Variants in IL12RB1 observed in about 807,000 individuals in gnomAD.
The protein encoded by IL12RB1 is interleukin-12 receptor subunit beta-1.
Under a neutral mutation model 94.4 loss-of-function variants are expected in IL12RB1, and 64 were observed. The ratio of observed to expected loss-of-function variants is 0.68; its 90% confidence interval spans 0.55 to 0.83. IL12RB1 has a LOEUF of 0.83. Among genes scored for constraint, IL12RB1 ranks in the 40% least tolerant of loss-of-function variants. IL12RB1 has a pLI of 0.00. For synonymous variants in IL12RB1, 362 were observed against 355.5 expected, an observed-to-expected ratio of 1.02 and a Z score of -0.21; for missense variants, 814 against 855.6, an observed-to-expected ratio of 0.95 and a Z score of 0.61.
intron 1 of IL12RB1, among the ~76,000 whole-genome samples, chr19:18,097,327 G>A (rs569634777): frequency 1.3e-5 from 2 of 152,060 alleles, no homozygotes; most frequent in South Asian, 4.2e-4. Flanking sequence ...ACAGGCGCGC[G>A]TCACCACCCC....
chr19:18,086,693 G>C, intron 1 of IL12RB1, 67 bp downstream of exon 1: 3 of 1,500,674 alleles, frequency 2.0e-6, no homozygotes, highest in Non-Finnish European at 2.7e-6. Context: ...CAGGCCCACA[G>C]CTCTCCACAC....
Position 18,073,537 on chromosome 19 carries a change from G to A in IL12RB1, c.763C>T (p.Arg255Trp), listed in dbSNP as rs1259138980. The change falls in exon 8 of 17, where the codon CGG (arginine) becomes TGG (tryptophan). Residue 255 changes from arginine to tryptophan, a missense_variant. By Grantham distance (101) the Arg-to-Trp change is moderately radical (BLOSUM62 -3). Transcript: ENST00000593993. ...VEQLGQDGRR[R>W]LTLKEQPTQL... ...GTTACCTGCTCTTTCAGGGTCAGCCGCCTCCTCCCATCCTGGCCCAGCTGC... is the reference window on the plus strand; with the variant it reads ...GTTACCTGCTCTTTCAGGGTCAGCCACCTCCTCCCATCCTGGCCCAGCTGC... The A allele has an allele frequency of 5.0e-6, 8 of 1,609,822 alleles. No individual in the cohort carries two copies. The highest frequency in any genetic ancestry group is 5.1e-6 in the Non-Finnish European group (6 of 1,176,406).
chr19:18,067,713 G>A (rs914784564), intron 11 of IL12RB1, among the ~76,000 whole-genome samples: 2 of 152,200 alleles, frequency 1.3e-5, no homozygotes, highest in African/African-American at 4.8e-5. Context: ...TGAGGAAGGA[G>A]AATGGCTTGA....
At chr19:18,067,909 T>C (rs2034708631) in intron 11 of IL12RB1, among the ~76,000 whole-genome samples, 1 of 151,964 alleles carries the variant, frequency 6.6e-6, no homozygotes, top group Non-Finnish European at 1.5e-5. Context: ...TTGCCCAGGC[T>C]GTTCTTGAAC....
At chr19:18,085,184 C>A (rs2036241702) in intron 1 of IL12RB1, among the ~76,000 whole-genome samples, 1 of 152,158 alleles carries the variant, frequency 6.6e-6, no homozygotes, top group African/African-American at 2.4e-5. Flanking sequence ...CAAGAAGGAC[C>A]TGTCCTGAGC....
At chr19:18,060,543 G>A (rs418164) in intron 15 of IL12RB1, among the ~76,000 whole-genome samples, 14,604 of 152,000 alleles carry the variant, frequency 0.096, 2,363 homozygotes, top group African/African-American at 0.33. Context: ...CTTAGGAAGA[G>A]CACTCCCATC....
chr19:18,069,500 G>A (rs1004523460), intron 10 of IL12RB1, 46 bp downstream of exon 10: 12 of 1,538,406 alleles, frequency 7.8e-6, no homozygotes, highest in Admixed American at 3.8e-5. Context: ...GACCTAAAAG[G>A]GAGGGCACAG....
chr19:18,063,339 C>G (rs2034317516), intron 13 of IL12RB1, among the ~76,000 whole-genome samples: 1 of 151,954 alleles, frequency 6.6e-6, no homozygotes, highest in South Asian at 2.1e-4. Flanking sequence ...CTCAAGCAAT[C>G]CTCCAGCCTC....
chr19:18,071,848 A>G lies in IL12RB1; in HGVS notation c.1021+264T>C, dbSNP rs375819560. ...CTCAGCTAATTTTTGTATTTTTAGT[A>G]GAGACTGGGTTTCACCACGTTGGCC... On this transcript the variant is annotated intron_variant, in intron 9 of 16. Coordinates refer to ENST00000593993, the MANE Select transcript of IL12RB1 (RefSeq NM_005535.3). 2.2e-4 allele frequency among the ~76,000 whole-genome samples: 33 copies of G among 152,262 alleles called. No individual in the cohort carries two copies. The South Asian group carries it at 6.4e-3, about 30-fold the overall frequency.
intron 1 of IL12RB1, chr19:18,097,801 G>A (rs2037094198): frequency 9.0e-6 from 11 of 1,223,928 alleles, no homozygotes; most frequent in Non-Finnish European, 1.1e-5. Context: ...CCATGGACGA[G>A]TCGAGCCTCC....
At chr19:18,080,064 CT>C (rs1225941603) in intron 4 of IL12RB1, among the ~76,000 whole-genome samples, 3 of 148,786 alleles carry the variant, frequency 2.0e-5, no homozygotes, top group South Asian at 2.1e-4. Context: ...TCTTTTTTTT[CT>C]TTTTTTTTGA....
chr19:18,062,958 T>C (rs2034255704), intron 13 of IL12RB1, among the ~76,000 whole-genome samples: 1 of 151,156 alleles, frequency 6.6e-6, no homozygotes, highest in Non-Finnish European at 1.5e-5. Flanking sequence ...TCTGAATCTC[T>C]TATAACCATG....
In IL12RB1 at chr19:18,072,321, C is replaced by G. The variant is rs765469185; in HGVS notation, c.812G>C (p.Cys271Ser). Residue 271 changes from cysteine (C) to serine (S), a missense_variant, in exon 9 of 17, where the codon TGT (cysteine) becomes TCT (serine). Transcript: ENST00000593993. ...CTCCGTGCCAGGCGCCAGCCCTTGA[C>G]AGCCTTCTGGAAGCTCCAGCTGGGT... Reference protein sequence around the residue: ...QPTQLELPEGCQGLAPGTEVT... With the variant: ...QPTQLELPEGSQGLAPGTEVT... 2 of 1,614,016 alleles carry G rather than the reference C, an allele frequency of 1.2e-6. No homozygotes were observed. The highest frequency in any genetic ancestry group is 1.7e-6 in the Non-Finnish European group (2 of 1,179,944).
intron 12 of IL12RB1, among the ~76,000 whole-genome samples, chr19:18,064,979 C>T (rs1208100766): frequency 6.6e-6 from 1 of 152,216 alleles, no homozygotes; most frequent in Non-Finnish European, 1.5e-5. Context: ...GCAATGATCC[C>T]ACAACCCGGA....
At chr19:18,077,456 T>G in intron 5 of IL12RB1, 60 bp downstream of exon 5, 1 of 1,322,302 alleles carries the variant, frequency 7.6e-7, no homozygotes, top group Non-Finnish European at 1.1e-6. Context: ...GAGACTGATT[T>G]GGGGGTGAAG....
intron 6 of IL12RB1, among the ~76,000 whole-genome samples, chr19:18,076,083 C>A (rs559396693): frequency 1.3e-5 from 2 of 152,226 alleles, no homozygotes; most frequent in East Asian, 1.9e-4. Flanking sequence ...TGGCTGCGGC[C>A]ATCCCTTCGG....
chr19:18,063,859 C>A lies in IL12RB1; in HGVS notation c.1618+17G>T. On this transcript the variant is annotated intron_variant, in intron 13 of 16. Transcript: ENST00000593993. ...TGCATGCTGGGTAAATAACTGGGTC[C>A]TACCCCCTCCACTCACCGATGCTGA... is the stretch of plus-strand genomic sequence containing the variant. 6.2e-7 allele frequency: 1 copy of A among 1,611,186 alleles called. No homozygotes were observed. Among genetic ancestry groups the A allele is most frequent in the South Asian group, 1.1e-5 (1 of 90,696 alleles).
chr19:18,061,156 G>T lies in IL12RB1; in HGVS notation c.1757C>A (p.Ala586Asp). 6.2e-7 allele frequency: 1 copy of T among 1,602,588 alleles called. No individual in the cohort carries two copies. Among genetic ancestry groups the T allele is most frequent in the Non-Finnish European group, 8.5e-7 (1 of 1,173,188 alleles). ...HLCPPLPTPCASSAIEFPGGK... is the reference protein window; with the variant it reads ...HLCPPLPTPCDSSAIEFPGGK... The stretch of plus-strand genomic sequence containing the variant: ...TCCAGGGAACTCAATGGCGGAGCTG[G>T]CACAGGGTGTGGGCAGCGGCGGGCA... The change falls in exon 15 of 17, where the codon GCC becomes GAC. Residue 586 changes from alanine to aspartate, a missense_variant. Physicochemically the swap from Ala to Asp is moderately radical, Grantham distance 126 (BLOSUM62 -2). Transcript: ENST00000593993.
intron 1 of IL12RB1, among the ~76,000 whole-genome samples, chr19:18,085,530 A>G (rs1168812672): frequency 6.6e-6 from 1 of 151,976 alleles, no homozygotes; most frequent in Non-Finnish European, 1.5e-5. Flanking sequence ...TGGGCATTCT[A>G]CAGGCACTCA....
Sources: gnomAD v4.1 joint callset for allele counts (sites outside exome capture counted in the v4.1 genomes callset) on GRCh38, gnomAD v4.1.1 for gene constraint, MANE v1.5 for transcripts, NCBI Gene and HGNC (gene_info 2026-07-23, HGNC 2026-07-21) for gene names.